C6: variants seen among roughly 807,000 people sequenced by gnomAD.
C6 encodes the protein complement C6.
In C6, 101 loss-of-function variants were observed where a neutral mutation model predicts 112.9. The ratio of observed to expected loss-of-function variants is 0.89; its 90% CI spans 0.76 to 1.06. C6 has a LOEUF of 1.06. Ranked by LOEUF, C6 falls within the 50% of genes least tolerant of loss-of-function variation. C6 has a pLI of 0.00. For missense variants in C6, 1,202 were observed against 1,104.6 expected, an observed-to-expected ratio of 1.09 and a Z score of -1.25; for synonymous variants, 431 against 384.1, an observed-to-expected ratio of 1.12 and a Z score of -1.43.
chr5:41,223,023 C>A (rs575601627), intron 1 of C6, among the ~76,000 whole-genome samples: 2 of 152,236 alleles, frequency 1.3e-5, no homozygotes, highest in Admixed American at 1.3e-4. Context: ...ATAAAACCTT[C>A]CAATTTGTTT....
At chr5:41,249,106 G>T (rs1337392451) in intron 1 of C6, among the ~76,000 whole-genome samples, 1 of 152,032 alleles carries the variant, frequency 6.6e-6, no homozygotes, top group African/African-American at 2.4e-5. Context: ...TAATCATTGG[G>T]TACTTATGTA....
At chr5:41,158,327 C>T (rs1469778964) in intron 13 of C6, among the ~76,000 whole-genome samples, 1 of 152,144 alleles carries the variant, frequency 6.6e-6, no homozygotes, top group Non-Finnish European at 1.5e-5. Flanking sequence ...TAGTGTGTTT[C>T]TCTAAACATT....
chr5:41,166,010 CTG>C (rs569808222), intron 9 of C6, among the ~76,000 whole-genome samples: 90 of 152,174 alleles, frequency 5.9e-4, no homozygotes, highest in African/African-American at 2.1e-3. Context: ...AATAGTAAGT[CTG>C]TGAATTTCTT....
upstream of C6, among the ~76,000 whole-genome samples, chr5:41,214,863 T>C (rs1752140657): frequency 6.6e-6 from 1 of 152,058 alleles, no homozygotes; most frequent in African/African-American, 2.4e-5. Flanking sequence ...TAATGTGGGC[T>C]ATGAAGAGGA....
chr5:41,148,333 A>C (rs1013673408), intron 17 of C6, among the ~76,000 whole-genome samples: 2 of 152,214 alleles, frequency 1.3e-5, no homozygotes, highest in Non-Finnish European at 2.9e-5. Flanking sequence ...TAAGTGAAAA[A>C]ACAGCAATAT....
intron 1 of C6, among the ~76,000 whole-genome samples, chr5:41,236,969 A>T (rs1219044920): frequency 1.3e-5 from 2 of 151,964 alleles, no homozygotes; most frequent in African/African-American, 4.8e-5. Flanking sequence ...ATAAACTAGA[A>T]AATCTAGAAG....
intron 5 of C6, among the ~76,000 whole-genome samples, chr5:41,193,197 A>G (rs1750353000): frequency 6.6e-6 from 1 of 152,180 alleles, no homozygotes. Context: ...TCACAAGCAA[A>G]AAAGGGCTTG....
chr5:41,167,960 G>A (rs1373259971), intron 9 of C6, among the ~76,000 whole-genome samples: 1 of 152,072 alleles, frequency 6.6e-6, no homozygotes, highest in Non-Finnish European at 1.5e-5. Context: ...ATGAATTTGT[G>A]AGGAAAAAAT....
intron 9 of C6, among the ~76,000 whole-genome samples, chr5:41,163,310 C>CTTTTTTT (rs35341613): frequency 2.2e-5 from 3 of 134,548 alleles, no homozygotes; most frequent in Admixed American, 7.8e-5. Context: ...TATCAATGAA[C>CTTTTTTT]TTTTTTTTTT....
upstream of C6, among the ~76,000 whole-genome samples, chr5:41,216,079 A>C (rs1330210267): frequency 7.2e-5 from 11 of 152,020 alleles, no homozygotes; most frequent in Non-Finnish European, 2.9e-5. Flanking sequence ...AAAACTCTCA[A>C]ATATGGAGGA....
intron 15 of C6, 65 bp downstream of exon 15, chr5:41,153,745 G>A: frequency 8.3e-7 from 1 of 1,200,244 alleles, no homozygotes; most frequent in Non-Finnish European, 1.2e-6. Context: ...TGGCTATAGA[G>A]GCTATACTAC....
At chr5:41,146,902 G>A (rs1398257315) in intron 17 of C6, among the ~76,000 whole-genome samples, 3 of 150,522 alleles carry the variant, frequency 2.0e-5, no homozygotes, top group Non-Finnish European at 1.5e-5. Flanking sequence ...TGGGAAGATA[G>A]CAAAAAAAGG....
chr5:41,187,449 T>C (rs1749862799), intron 5 of C6, among the ~76,000 whole-genome samples: 1 of 152,100 alleles, frequency 6.6e-6, no homozygotes, highest in African/African-American at 2.4e-5. Flanking sequence ...TGTGAGGGAA[T>C]CAAGAAGCAG....
intron 4 of C6, 42 bp downstream of exon 4, chr5:41,199,726 C>G (rs375815902): frequency 5.6e-6 from 9 of 1,595,726 alleles, no homozygotes; most frequent in African/African-American, 5.4e-5. Context: ...TTTAGTCAAG[C>G]TATTTTTAGT....
chr5:41,181,122 AG>A (rs1434782818), intron 7 of C6, among the ~76,000 whole-genome samples: 1 of 152,082 alleles, frequency 6.6e-6, no homozygotes, highest in Non-Finnish European at 1.5e-5. Context: ...ATGAAAAAAA[AG>A]TGAAGATAAA....
chr5:41,186,009 G>A, intron 6 of C6, 61 bp downstream of exon 6: 1 of 1,596,072 alleles, frequency 6.3e-7, no homozygotes, highest in Non-Finnish European at 8.6e-7. Flanking sequence ...AATTTTGCAT[G>A]AGAAATTTAG....
At position 41,142,599 on chromosome 5, in the gene C6, G is replaced by A; in HGVS notation, c.*226C>T. The A allele has an allele frequency of 3.5e-6, 2 of 568,788 alleles. No homozygotes were observed. Among genetic ancestry groups the A allele is most frequent in the Non-Finnish European group, 6.3e-6 (2 of 315,820 alleles). 35.2% of individuals were successfully genotyped at this position (568,788 alleles called of 1,614,324 possible). On this transcript the variant is annotated 3_prime_UTR_variant, in exon 18 of 18. Coordinates refer to ENST00000337836, the MANE Select transcript of C6 (RefSeq NM_000065.5). ...GAGAATTTACGAGACTGCTGTGGAA[G>A]TTGGTACCTAGGGGTATGCTACAGG... is the stretch of plus-strand genomic sequence containing the variant.
At chr5:41,220,184 A>G (rs1739081392) in intron 1 of C6, among the ~76,000 whole-genome samples, 1 of 152,200 alleles carries the variant, frequency 6.6e-6, no homozygotes, top group East Asian at 1.9e-4. Flanking sequence ...AAACACTTGC[A>G]AAAATGAGGC....
intron 6 of C6, among the ~76,000 whole-genome samples, chr5:41,185,745 T>C (rs1025123088): frequency 6.6e-6 from 1 of 152,122 alleles, no homozygotes; most frequent in African/African-American, 2.4e-5. Context: ...AATCAAACTG[T>C]TTATCTGTGT....
Sources: gnomAD v4.1 joint callset for allele counts (sites outside exome capture counted in the v4.1 genomes callset) on GRCh38, gnomAD v4.1.1 for gene constraint, MANE v1.5 for transcripts, NCBI Gene and HGNC (gene_info 2026-07-23, HGNC 2026-07-21) for gene names.